ZW10: variants seen among roughly 807,000 people sequenced by gnomAD.
ZW10 encodes the protein centromere/kinetochore protein zw10 homolog.
Under a neutral mutation model 87.8 loss-of-function variants are expected in ZW10, and 53 were observed. That is an observed-to-expected ratio of 0.60 (90% confidence interval 0.48 to 0.76). ZW10 has a LOEUF of 0.76. Ranked by LOEUF, ZW10 falls within the 30% of genes least tolerant of loss-of-function variation. ZW10 has a pLI of 0.00. For missense variants in ZW10, 837 were observed against 923.0 expected (o/e 0.91, Z 1.21); for synonymous variants, 312 against 329.2 (o/e 0.95, Z 0.57).
intron 15 of ZW10, among the ~76,000 whole-genome samples, chr11:113,734,380 C>G (rs914482516): frequency 1.3e-5 from 2 of 152,174 alleles, no homozygotes; most frequent in South Asian, 4.1e-4. Context: ...ATTAGATCAG[C>G]TGAAACTTTC....
chr11:113,766,040 C>T (rs1391031369), intron 2 of ZW10, among the ~76,000 whole-genome samples: 4 of 152,152 alleles, frequency 2.6e-5, no homozygotes, highest in African/African-American at 9.7e-5. Context: ...ATAAACTGTC[C>T]TTCATCTCTC....
intron 2 of ZW10, among the ~76,000 whole-genome samples, chr11:113,766,149 T>C (rs1953904863): frequency 6.6e-6 from 1 of 151,812 alleles, no homozygotes; most frequent in Admixed American, 6.6e-5. Context: ...GGAAGAAGAA[T>C]CACTTAAACC....
chr11:113,764,815 T>C (rs1953895006), intron 2 of ZW10, among the ~76,000 whole-genome samples: 1 of 152,228 alleles, frequency 6.6e-6, no homozygotes, highest in African/African-American at 2.4e-5. Flanking sequence ...TCTTTTCCCT[T>C]AGTTCCATGA....
At chr11:113,754,745 CTATGCCTGGCTAATTTTT>C (rs1953765609) in intron 7 of ZW10, among the ~76,000 whole-genome samples, 1 of 152,124 alleles carries the variant, frequency 6.6e-6, no homozygotes, top group Non-Finnish European at 1.5e-5. Context: ...GCACATGCCA[CTATGCCTGGCTAATTTTT>C]TATTTTTTTA....
chr11:113,760,308 A>G lies in ZW10; in HGVS notation c.481T>C (p.Ser161Pro), dbSNP rs1565286805. ...TGTATTGTGAGCTCCATGCTGAGAG[A>G]TTTCAATATTTTTAAATCAAAGCAT... ...RKCFDLKILK[S>P]LSMELTIQKQ... The change falls in exon 5 of 16, where the codon TCT becomes CCT. Residue 161 changes from serine to proline, a missense_variant. Physicochemically the swap from Ser to Pro is moderately conservative, Grantham distance 74. Coordinates refer to ENST00000200135, the MANE Select transcript of ZW10 (RefSeq NM_004724.4). 5 of 1,614,070 alleles carry G rather than the reference A, an allele frequency of 3.1e-6. No homozygotes were observed. The East Asian group carries it at 1.1e-4, about 36-fold the overall frequency.
chr11:113,737,441 T>G (rs1441511024), intron 14 of ZW10, 131 bp downstream of exon 14: 7 of 914,646 alleles, frequency 7.7e-6, no homozygotes, highest in Non-Finnish European at 7.8e-6. Context: ...AAAACAAAAC[T>G]GAAAAAAAAA....
In ZW10 at chr11:113,738,232, T is replaced by C. The variant is rs1425705457; in HGVS notation, c.1884+32A>G. 5 of 1,559,588 alleles carry C rather than the reference T, an allele frequency of 3.2e-6. No individual in the cohort carries two copies. In the South Asian group the frequency reaches 6.1e-5, roughly 19 times the overall value. The stretch of plus-strand genomic sequence containing the variant: ...AAAAAAAAGGCATCTAAGGATAGAA[T>C]ACAAATTTCAGTGCTAGCAAGAGCC... On this transcript the variant is annotated intron_variant, in intron 13 of 15. Coordinates refer to ENST00000200135, the MANE Select transcript of ZW10 (RefSeq NM_004724.4).
Position 113,739,312 on chromosome 11 carries a change from A to G in ZW10, c.1654T>C (p.Leu552=), listed in dbSNP as rs759902232. The change falls in exon 12 of 16, where the codon TTG becomes CTG. Residue 552 remains leucine (L), a synonymous_variant. Transcript: ENST00000200135. ...HNNCMYIAHH[L]LTLGHQFRLR... is the part of the protein sequence containing the mutation. The stretch of plus-strand genomic sequence containing the variant: ...CTGAACTGATGCCCGAGGGTCAGCA[A>G]GTGGTGAGCAATGTACATACAGTTG... 1 of 1,613,886 alleles carries G rather than the reference A, an allele frequency of 6.2e-7. No homozygotes were observed. Among genetic ancestry groups the G allele is most frequent in the South Asian group, 1.1e-5 (1 of 90,980 alleles).
chr11:113,768,983 G>GA lies in ZW10; in HGVS notation c.106-17dup. On this transcript the variant is annotated splice_polypyrimidine_tract_variant and intron_variant, in intron 1 of 15. Transcript: ENST00000200135. ...ACACCTCACCCTAAAATATAAAACA[G>GA]AATTATATTAAAAGACAGTGAAATG... 1 of 1,610,668 alleles carries GA rather than the reference G, an allele frequency of 6.2e-7. No individual in the cohort carries two copies. The highest frequency in any genetic ancestry group is 8.5e-7 in the Non-Finnish European group (1 of 1,177,800).
chr11:113,756,017 C>T (rs1043207819), intron 7 of ZW10, among the ~76,000 whole-genome samples: 6 of 152,116 alleles, frequency 3.9e-5, no homozygotes, highest in South Asian at 2.1e-4. Flanking sequence ...TTGTGGGACT[C>T]GCTTTATTGG....
chr11:113,749,908 G>C (rs1426753770), intron 7 of ZW10, among the ~76,000 whole-genome samples: 1 of 152,132 alleles, frequency 6.6e-6, no homozygotes, highest in African/African-American at 2.4e-5. Context: ...ATCCCAACAT[G>C]ATTTTTTTCT....
chr11:113,758,299 G>A (rs1472382336), intron 6 of ZW10, among the ~76,000 whole-genome samples: 1 of 147,948 alleles, frequency 6.8e-6, no homozygotes, highest in African/African-American at 2.5e-5. Flanking sequence ...TTTTACCACT[G>A]AAGTTTCCCA....
Position 113,768,824 on chromosome 11 carries a change from T to G in ZW10, c.240+9A>C. ...TACAAACCTACCCAATATAACAAAT[T>G]ATCCTTACCTCACTCTCTATCCTGG... On this transcript the variant is annotated intron_variant, in intron 2 of 15. Transcript: ENST00000200135. The G allele has an allele frequency of 6.2e-7, 1 of 1,613,558 alleles. No homozygotes were observed. Among genetic ancestry groups the G allele is most frequent in the Non-Finnish European group, 8.5e-7 (1 of 1,179,812 alleles).
intron 4 of ZW10, 38 bp downstream of exon 4, chr11:113,760,475 G>A (rs1953845288): frequency 1.9e-6 from 3 of 1,603,456 alleles, no homozygotes; most frequent in Non-Finnish European, 2.6e-6. Flanking sequence ...AACAAGAAGA[G>A]CACTTATTGC....
chr11:113,760,248 A>G lies in ZW10; in HGVS notation c.541T>C (p.Trp181Arg), dbSNP rs897700739. The G allele has an allele frequency of 6.2e-7, 1 of 1,613,790 alleles. No individual in the cohort carries two copies. The highest frequency in any genetic ancestry group is 8.5e-7 in the Non-Finnish European group (1 of 1,179,982). The change falls in exon 5 of 16, where the codon TGG becomes CGG. Residue 181 changes from tryptophan (W) to arginine (R), a missense_variant. Physicochemically the swap from Trp to Arg is moderately radical, Grantham distance 101. Coordinates refer to ENST00000200135, the MANE Select transcript of ZW10 (RefSeq NM_004724.4). ...AACTTCCATACAATCAGCTTCTGCCACTCTTCTCCAAGGTGATAAAGTATG... is the reference window on the plus strand; with the variant it reads ...AACTTCCATACAATCAGCTTCTGCCGCTCTTCTCCAAGGTGATAAAGTATG... ...QNILYHLGEE[W>R]QKLIVWKFPP...
intron 3 of ZW10, 101 bp from the exon 4 acceptor site, chr11:113,760,691 T>TAAA (rs56870346): frequency 8.6e-5 from 64 of 748,360 alleles, no homozygotes; most frequent in African/African-American, 1.8e-4. Context: ...CTCCCCCCTC[T>TAAA]AAAAAAAAAA....
intron 7 of ZW10, chr11:113,751,143 C>A: frequency 4.6e-6 from 1 of 219,658 alleles, no homozygotes; most frequent in South Asian, 7.6e-5. Context: ...AACCAATATC[C>A]TTCGCATACT....
intron 2 of ZW10, among the ~76,000 whole-genome samples, chr11:113,765,978 G>T: frequency 6.6e-6 from 1 of 152,162 alleles, no homozygotes; most frequent in East Asian, 1.9e-4. Flanking sequence ...ACAGGGAGCA[G>T]GACTGGGCAA....
intron 9 of ZW10, among the ~76,000 whole-genome samples, chr11:113,744,330 T>C (rs1224469836): frequency 6.6e-6 from 1 of 151,976 alleles, no homozygotes; most frequent in African/African-American, 2.4e-5. Context: ...GAGCTTGCAG[T>C]GAGCGGAGCT....
Sources: allele counts gnomAD v4.1 joint callset (sites outside exome capture counted in the v4.1 genomes callset), GRCh38; gene constraint gnomAD v4.1.1; transcripts MANE v1.5; gene names NCBI Gene and HGNC (gene_info 2026-07-23, HGNC 2026-07-21).